Variants in GRIK1 observed in about 807,000 individuals in gnomAD.
GRIK1 encodes the protein glutamate ionotropic receptor kainate type subunit 1.
In GRIK1, 69 loss-of-function variants were observed where a neutral mutation model predicts 105.7. The observed-to-expected ratio is 0.65, with a 90% confidence interval of 0.54 to 0.80. The LOEUF is 0.80. Ranked by LOEUF, GRIK1 falls within the 30% of genes least tolerant of loss-of-function variation. The pLI is 0.00. For synonymous variants in GRIK1, 438 were observed against 431.3 expected, an observed-to-expected ratio of 1.02 and a Z score of -0.19; for missense variants, 1,109 against 1,167.3, an observed-to-expected ratio of 0.95 and a Z score of 0.73.
At chr21:29,830,504 C>T (rs138675933) in intron 1 of GRIK1, among the ~76,000 whole-genome samples, 12 of 152,262 alleles carry the variant, frequency 7.9e-5, no homozygotes, top group African/African-American at 2.6e-4. Context: ...CATTGAGGAA[C>T]TGCTTTGTGC....
chr21:29,548,430 C>T (rs1006862843), intron 16 of GRIK1, among the ~76,000 whole-genome samples: 2 of 152,148 alleles, frequency 1.3e-5, no homozygotes, highest in Non-Finnish European at 2.9e-5. Flanking sequence ...AATTCCATAA[C>T]TGTGAGAAGC....
intron 1 of GRIK1, among the ~76,000 whole-genome samples, chr21:29,727,168 C>T (rs551057746): frequency 5.9e-5 from 9 of 152,210 alleles, no homozygotes; most frequent in Non-Finnish European, 1.2e-4. Flanking sequence ...TCAGGTGATC[C>T]ATCTGCCTCA....
chr21:29,722,188 C>T (rs2064339601), intron 1 of GRIK1, among the ~76,000 whole-genome samples: 1 of 152,066 alleles, frequency 6.6e-6, no homozygotes, highest in Non-Finnish European at 1.5e-5. Flanking sequence ...AATGGATGCT[C>T]TAATTAGAAG....
At chr21:29,801,395 G>A (rs1480180544) in intron 1 of GRIK1, among the ~76,000 whole-genome samples, 1 of 151,846 alleles carries the variant, frequency 6.6e-6, no homozygotes, top group Non-Finnish European at 1.5e-5. Context: ...TTTTAGTCAG[G>A]CTATTGATCA....
At chr21:29,541,575 C>CTTTTTTTTGTTTTTTTTTTTTTTTTTT (rs2089971404) in intron 16 of GRIK1, among the ~76,000 whole-genome samples, 1 of 96,006 alleles carries the variant, frequency 1.0e-5, no homozygotes, top group African/African-American at 4.8e-5. Flanking sequence ...CACTCACGGT[C>CTTTTTTTTGTTTTTTTTTTTTTTTTTT]TTTTTTTTTT....
At chr21:29,769,523 C>G (rs1465442904) in intron 1 of GRIK1, among the ~76,000 whole-genome samples, 1 of 152,064 alleles carries the variant, frequency 6.6e-6, no homozygotes, top group Non-Finnish European at 1.5e-5. Flanking sequence ...AGTGTGCAAC[C>G]TACATCCCTC....
chr21:29,792,064 T>A (rs1008353341), intron 1 of GRIK1, among the ~76,000 whole-genome samples: 1 of 152,142 alleles, frequency 6.6e-6, no homozygotes, highest in Non-Finnish European at 1.5e-5. Context: ...AATTTTGGAG[T>A]TTAACCCATT....
intron 12 of GRIK1, among the ~76,000 whole-genome samples, chr21:29,582,644 G>A (rs1181102072): frequency 6.6e-6 from 1 of 152,064 alleles, no homozygotes; most frequent in Non-Finnish European, 1.5e-5. Flanking sequence ...TCTCTGCTCT[G>A]TGGTTACTTT....
In GRIK1 at chr21:29,596,676, C is replaced by T. The variant is rs1405120343; in HGVS notation, c.1207-106G>A. 3 of 817,030 alleles carry T rather than the reference C, an allele frequency of 3.7e-6. No homozygotes were observed. The African/African-American group carries it at 5.0e-5, about 14-fold the overall frequency. 50.6% of individuals were successfully genotyped at this position (817,030 alleles called of 1,614,324 possible). A position where few individuals can be genotyped will look rare whatever the true frequency, so the allele number is the denominator to read the frequency against. Reference sequence around the variant, plus strand: ...GTGAGTGCTTAGAGTGTTACAGTTCCCACCCATTGTTTGGAATTTGCATCT... The same window carrying T: ...GTGAGTGCTTAGAGTGTTACAGTTCTCACCCATTGTTTGGAATTTGCATCT... On this transcript the variant is annotated intron_variant, in intron 8 of 17. Coordinates refer to ENST00000327783, the MANE Select transcript of GRIK1 (RefSeq NM_001330994.2).
Position 29,591,124 on chromosome 21 carries a change from G to A in GRIK1, c.1353C>T (p.Val451=), listed in dbSNP as rs1215882476. 1 of 1,573,362 alleles carries A rather than the reference G, an allele frequency of 6.4e-7. No homozygotes were observed. The highest frequency in any genetic ancestry group is 1.1e-5 in the South Asian group (1 of 90,334). Residue 451 remains valine, a synonymous_variant, in exon 10 of 18, where the codon GTC becomes GTT. Transcript: ENST00000327783. Reference sequence around the variant, plus strand: ...GAAGTCAACTTACCAGAATGGTGGTGACAATGAGTGTTCTGTTGGCCAATG... The same window carrying A: ...GAAGTCAACTTACCAGAATGGTGGTAACAATGAGTGTTCTGTTGGCCAATG... The part of the protein sequence containing the change: ...TDSLANRTLI[V]TTILEEPYVM...
chr21:29,585,393 G>C (rs1436462122), intron 12 of GRIK1, among the ~76,000 whole-genome samples: 1 of 152,174 alleles, frequency 6.6e-6, no homozygotes, highest in Non-Finnish European at 1.5e-5. Flanking sequence ...TTGGAGTTAA[G>C]TGTAAAGGGT....
chr21:29,915,181 C>A (rs552652119), intron 1 of GRIK1, among the ~76,000 whole-genome samples: 1 of 146,220 alleles, frequency 6.8e-6, no homozygotes, highest in Non-Finnish European at 1.5e-5. Flanking sequence ...TACATGAATC[C>A]AGACACACAC....
At chr21:29,756,534 C>T (rs536219626) in intron 1 of GRIK1, among the ~76,000 whole-genome samples, 2 of 152,198 alleles carry the variant, frequency 1.3e-5, no homozygotes, top group East Asian at 3.9e-4. Flanking sequence ...TCCAGAAAAA[C>T]CCAGTAGAAA....
intron 1 of GRIK1, among the ~76,000 whole-genome samples, chr21:29,900,081 CTCAAA>C (rs1458098815): frequency 5.8e-5 from 1 of 17,374 alleles, no homozygotes; most frequent in African/African-American, 1.9e-4. Flanking sequence ...GAGACTCTGT[CTCAAA>C]AAAAAAAAAA....
At chr21:29,727,443 G>C (rs2064497496) in intron 1 of GRIK1, among the ~76,000 whole-genome samples, 1 of 152,062 alleles carries the variant, frequency 6.6e-6, no homozygotes, top group South Asian at 2.1e-4. Flanking sequence ...TCCATTCTGT[G>C]CTGTCTGCAG....
intron 12 of GRIK1, among the ~76,000 whole-genome samples, chr21:29,585,960 G>A (rs2091122169): frequency 6.6e-6 from 1 of 152,152 alleles, no homozygotes. Context: ...ATGTTTGGCA[G>A]CATCCCTGGA....
chr21:29,581,569 G>T, intron 12 of GRIK1, 26 bp from the exon 13 acceptor site: 1 of 1,330,722 alleles, frequency 7.5e-7, no homozygotes, highest in Non-Finnish European at 1.1e-6. Context: ...GAAACAGTCT[G>T]TAAATATCAG....
chr21:29,782,031 G>A (rs2066126007), intron 1 of GRIK1, among the ~76,000 whole-genome samples: 1 of 150,842 alleles, frequency 6.6e-6, no homozygotes, highest in Admixed American at 6.6e-5. Flanking sequence ...TCATTCCTTA[G>A]TGATGGGCAT....
intron 9 of GRIK1, among the ~76,000 whole-genome samples, chr21:29,593,994 GA>G (rs1446867458): frequency 6.6e-6 from 1 of 152,186 alleles, no homozygotes; most frequent in Non-Finnish European, 1.5e-5. Context: ...TTCTTAAAAT[GA>G]GAAAAGGGTG....
Sources: allele counts gnomAD v4.1 joint callset (sites outside exome capture counted in the v4.1 genomes callset), GRCh38; gene constraint gnomAD v4.1.1; transcripts MANE v1.5; gene names NCBI Gene and HGNC (gene_info 2026-07-23, HGNC 2026-07-21).